PTPRA: variants seen among roughly 807,000 people sequenced by gnomAD.
The protein encoded by PTPRA is receptor-type tyrosine-protein phosphatase alpha.
Under a neutral mutation model 104.8 loss-of-function variants are expected in PTPRA, and 25 were observed. The observed-to-expected ratio is 0.24, with a 90% CI of 0.17 to 0.33. The LOEUF is 0.33. Among genes scored for constraint, PTPRA ranks in the 10% least tolerant of loss-of-function variants. PTPRA has a pLI of 1.00. For synonymous variants in PTPRA, 323 were observed against 368.9 expected, an observed-to-expected ratio of 0.88 and a Z score of 1.43; for missense variants, 765 against 1,015.3, an observed-to-expected ratio of 0.75 and a Z score of 3.35.
At chr20:2,983,398 G>A (rs1479383993) in intron 6 of PTPRA, among the ~76,000 whole-genome samples, 2 of 152,032 alleles carry the variant, frequency 1.3e-5, no homozygotes, top group Non-Finnish European at 1.5e-5. Context: ...TTCATTCTGA[G>A]GCATGAGAAA....
chr20:3,017,011 C>A (rs920274986), intron 12 of PTPRA, among the ~76,000 whole-genome samples: 13 of 152,222 alleles, frequency 8.5e-5, no homozygotes, highest in Admixed American at 7.2e-4. Flanking sequence ...TATTCACAGC[C>A]GAAACACACA....
intron 13 of PTPRA, among the ~76,000 whole-genome samples, chr20:3,020,048 T>C (rs1283442425): frequency 6.6e-6 from 1 of 151,346 alleles, no homozygotes; most frequent in Non-Finnish European, 1.5e-5. Context: ...CGGCTCGGCA[T>C]CGGAGGGAGA....
intron 2 of PTPRA, among the ~76,000 whole-genome samples, chr20:2,943,537 A>C (rs1208055281): frequency 6.6e-6 from 1 of 152,060 alleles, no homozygotes; most frequent in East Asian, 1.9e-4. Context: ...AATCTCATCC[A>C]AAAAAACCCC....
chr20:2,885,121 T>C (rs1231637992), intron 1 of PTPRA, among the ~76,000 whole-genome samples: 1 of 152,162 alleles, frequency 6.6e-6, no homozygotes, highest in Non-Finnish European at 1.5e-5. Flanking sequence ...CTGACTTTGT[T>C]GAGGAACAGA....
At chr20:2,987,945 G>C (rs369205226) in intron 7 of PTPRA, 87 bp from the exon 8 acceptor site, 272 of 1,242,462 alleles carry the variant, frequency 2.2e-4, no homozygotes, top group Non-Finnish European at 3.0e-4. Context: ...ATTTAGAAAG[G>C]CTGAATTGAT....
intron 2 of PTPRA, among the ~76,000 whole-genome samples, chr20:2,947,658 A>G (rs2061186949): frequency 6.6e-6 from 1 of 152,162 alleles, no homozygotes; most frequent in Non-Finnish European, 1.5e-5. Flanking sequence ...ACTCTTTCGT[A>G]GAGTGCACAG....
intron 3 of PTPRA, among the ~76,000 whole-genome samples, chr20:2,954,478 CT>C (rs1282666610): frequency 6.6e-6 from 1 of 152,208 alleles, no homozygotes; most frequent in Non-Finnish European, 1.5e-5. Context: ...CCACCTCGGC[CT>C]CCCAAAGTGC....
chr20:3,018,812 C>T (rs1357003417), intron 13 of PTPRA, among the ~76,000 whole-genome samples: 7 of 132,182 alleles, frequency 5.3e-5, no homozygotes, highest in Non-Finnish European at 9.4e-5. Flanking sequence ...CGGGCAGAGG[C>T]GCCCCTCACC....
intron 13 of PTPRA, among the ~76,000 whole-genome samples, chr20:3,020,141 C>CCCAG (rs1165420856): frequency 1.3e-5 from 2 of 152,170 alleles, no homozygotes; most frequent in African/African-American, 2.4e-5. Flanking sequence ...CGGAGTCTCG[C>CCCAG]TCTGTCGCCC....
At chr20:2,883,218 C>T (rs182150845) in intron 1 of PTPRA, among the ~76,000 whole-genome samples, 16 of 152,110 alleles carry the variant, frequency 1.1e-4, no homozygotes, top group Non-Finnish European at 1.8e-4. Flanking sequence ...TGAAACACTT[C>T]TGGTCCCAAG....
At chr20:2,921,178 ATGGGCTC>A (rs1333220693) in intron 1 of PTPRA, among the ~76,000 whole-genome samples, 3 of 152,142 alleles carry the variant, frequency 2.0e-5, no homozygotes, top group African/African-American at 4.8e-5. Context: ...GGCAAACTGA[ATGGGCTC>A]TGTAGTCTCT....
chr20:2,986,296 C>T (rs1249023082), intron 6 of PTPRA, among the ~76,000 whole-genome samples: 1 of 152,198 alleles, frequency 6.6e-6, no homozygotes, highest in Non-Finnish European at 1.5e-5. Context: ...CCCTTCCTCT[C>T]CCATCTTCCT....
chr20:2,962,309 A>G (rs1220932081), intron 3 of PTPRA, among the ~76,000 whole-genome samples: 1 of 151,986 alleles, frequency 6.6e-6, no homozygotes, highest in South Asian at 2.1e-4. Flanking sequence ...TGATTTCTTA[A>G]TTGCCTTTTA....
At chr20:2,881,596 G>A (rs1044486210) in intron 1 of PTPRA, among the ~76,000 whole-genome samples, 1 of 152,136 alleles carries the variant, frequency 6.6e-6, no homozygotes, top group African/African-American at 2.4e-5. Context: ...GCTCACTGCA[G>A]CATTGAACTC....
rs187465889 is a variant in PTPRA, at chr20:2,899,813, T to G, written c.-128-23394T>G. Among the ~76,000 whole-genome samples the G allele has an allele frequency of 3.3e-5, 5 of 152,176 alleles. No individual in the cohort carries two copies. In the East Asian group the frequency reaches 9.7e-4, roughly 29 times the overall value. On this transcript the variant is annotated intron_variant, in intron 1 of 23. Transcript: ENST00000399903. Reference sequence around the variant, plus strand: ...TTCTGGTGTTTCCCTTTTCTGACATTGAAAAATCTGAGGCCAGGCACAGTG... The same window carrying G: ...TTCTGGTGTTTCCCTTTTCTGACATGGAAAAATCTGAGGCCAGGCACAGTG...
At chr20:3,018,000 G>A in intron 13 of PTPRA, 87 bp downstream of exon 13, 2 of 1,129,850 alleles carry the variant, frequency 1.8e-6, no homozygotes, top group South Asian at 1.3e-5. Flanking sequence ...TCCTTTGTGG[G>A]TGCTGTACCA....
At chr20:2,893,582 C>G (rs890924351) in intron 1 of PTPRA, among the ~76,000 whole-genome samples, 3 of 151,838 alleles carry the variant, frequency 2.0e-5, no homozygotes, top group Admixed American at 6.6e-5. Flanking sequence ...ACATTTAATC[C>G]TTAGCTATAT....
intron 1 of PTPRA, among the ~76,000 whole-genome samples, chr20:2,921,922 C>G (rs984052452): frequency 1.3e-5 from 2 of 152,114 alleles, no homozygotes; most frequent in African/African-American, 4.8e-5. Flanking sequence ...GATTTTCAGC[C>G]TTGGCATTGT....
At chr20:2,957,001 C>G (rs185050463) in intron 3 of PTPRA, among the ~76,000 whole-genome samples, 6 of 152,294 alleles carry the variant, frequency 3.9e-5, no homozygotes, top group Admixed American at 1.3e-4. Flanking sequence ...AAAATGGTAT[C>G]TCAGCCAGGC....
Sources: gnomAD v4.1 joint callset for allele counts (sites outside exome capture counted in the v4.1 genomes callset) on GRCh38, gnomAD v4.1.1 for gene constraint, MANE v1.5 for transcripts, NCBI Gene and HGNC (gene_info 2026-07-23, HGNC 2026-07-21) for gene names.